The following ELAPOR1 variants were observed in gnomAD, a reference collection of about 807,000 sequenced individuals.
ELAPOR1 encodes the protein endosome-lysosome associated apoptosis and autophagy regulator 1, also known as endosome/lysosome-associated apoptosis and autophagy regulator 1.
A neutral mutation model predicts 119.7 loss-of-function variants in ELAPOR1; 77 were observed. The ratio of observed to expected loss-of-function variants is 0.64; its 90% CI spans 0.54 to 0.78. ELAPOR1 has a LOEUF of 0.78. Among genes scored for constraint, ELAPOR1 ranks in the 30% least tolerant of loss-of-function variants. The pLI is 0.00. For synonymous variants in ELAPOR1, 481 were observed against 487.2 expected (o/e 0.99, Z 0.17); for missense variants, 1,115 against 1,270.4 (o/e 0.88, Z 1.86).
At chr1:109,179,734 C>T (rs868173999) in intron 7 of ELAPOR1, among the ~76,000 whole-genome samples, 14 of 151,656 alleles carry the variant, frequency 9.2e-5, no homozygotes, top group African/African-American at 2.9e-4. Context: ...GGTGAAACCC[C>T]GTCTCTACTA....
intron 1 of ELAPOR1, among the ~76,000 whole-genome samples, chr1:109,119,032 G>A (rs370579165): frequency 8.3e-4 from 125 of 151,442 alleles, no homozygotes; most frequent in South Asian, 1.5e-3. Context: ...CAAGTAGCTG[G>A]GATTACAGGT....
intron 2 of ELAPOR1, among the ~76,000 whole-genome samples, chr1:109,163,593 C>T (rs1651399194): frequency 6.6e-6 from 1 of 151,404 alleles, no homozygotes; most frequent in Non-Finnish European, 1.5e-5. Context: ...GTGACAGGGT[C>T]TCACTGTGTT....
At chr1:109,171,240 G>C (rs953464343) in intron 3 of ELAPOR1, among the ~76,000 whole-genome samples, 1 of 152,120 alleles carries the variant, frequency 6.6e-6, no homozygotes, top group African/African-American at 2.4e-5. Context: ...AAGGTAGTAA[G>C]CAACCAATAA....
rs757088404 is a variant in ELAPOR1 at position 109,114,262 on chromosome 1, C to G, written c.79C>G (p.Arg27Gly). 35 of 1,599,638 alleles carry G rather than the reference C, an allele frequency of 2.2e-5. No homozygotes were observed. The highest frequency in any genetic ancestry group is 2.9e-5 in the Non-Finnish European group (34 of 1,173,348). ...TGAGAGGCGCATACCCCGGCTGTGG[C>G]GGCTGCTGCTCTGGGCTGGGACCGC... ...RTERRIPRLW[R>G]LLLWAGTAFQ... The change falls in exon 1 of 22, where the codon CGG (arginine) becomes GGG (glycine). Residue 27 changes from arginine (R) to glycine (G), a missense_variant. By Grantham distance (125) the Arg-to-Gly change is moderately radical. Transcript: ENST00000369939.
intron 1 of ELAPOR1, among the ~76,000 whole-genome samples, chr1:109,146,311 ACT>A (rs1286678045): frequency 7.6e-6 from 1 of 130,748 alleles, no homozygotes; most frequent in Non-Finnish European, 1.7e-5. Context: ...TCAGAGTGAG[ACT>A]CTGTCTCAAT....
intron 3 of ELAPOR1, among the ~76,000 whole-genome samples, chr1:109,168,086 C>T (rs958406846): frequency 1.3e-5 from 2 of 152,166 alleles, no homozygotes; most frequent in African/African-American, 4.8e-5. Flanking sequence ...TCTTCACTTG[C>T]TGTGTTCCAG....
rs183314540 is a variant in ELAPOR1 at position 109,144,240 on chromosome 1, C to A, written c.154-17654C>A. On this transcript the variant is annotated intron_variant, in intron 1 of 21. Coordinates refer to ENST00000369939, the MANE Select transcript of ELAPOR1 (RefSeq NM_020775.5). ...ATGCCCGGCTAATTTTTTGTAGAGA[C>A]GGGGCTTCTCCATGTTTGCCAGGCT... Among the ~76,000 whole-genome samples the A allele has an allele frequency of 6.8e-3, 1,020 of 149,708 alleles. 7 individuals carry two copies. The highest frequency in any genetic ancestry group is 0.013 in the Admixed American group (194 of 15,018).
intron 1 of ELAPOR1, among the ~76,000 whole-genome samples, chr1:109,152,748 A>G (rs1026268461): frequency 1.3e-5 from 2 of 152,048 alleles, no homozygotes; most frequent in Non-Finnish European, 2.9e-5. Context: ...GTTCAAGACC[A>G]GCCTGGGCAA....
rs1654155174 is a variant in ELAPOR1, at chr1:109,201,226, T to A, written c.2973+326T>A. 11 of 462,770 alleles carry A rather than the reference T, an allele frequency of 2.4e-5. 1 individual carries two copies. Among genetic ancestry groups the A allele is most frequent in the South Asian group, 1.8e-4 (11 of 60,512 alleles). The allele number at this position is 462,770 out of a possible 1,614,324, so 28.7% of individuals were successfully genotyped here. On this transcript the variant is annotated intron_variant, in intron 21 of 21. Coordinates refer to ENST00000369939, the MANE Select transcript of ELAPOR1 (RefSeq NM_020775.5). The stretch of plus-strand genomic sequence containing the variant: ...AAGAATCATCCCCTACTCCTTTTTT[T>A]ATTTTCACTGAAAAGGGAAAAGGTG...
In ELAPOR1 at chr1:109,172,513, A is replaced by G. The variant is rs754169517; in HGVS notation, c.641A>G (p.Asn214Ser). Residue 214 changes from asparagine to serine, a missense_variant, in exon 5 of 22, where the codon AAT becomes AGT. Transcript: ENST00000369939. ...FFVQNDQCQP[N>S]ADDSRWMKTT... ...GTTCAGAATGACCAGTGCCAGCCCA[A>G]TGCAGATGACTCCAGGTGGATGAAG... is the stretch of plus-strand genomic sequence containing the variant. 1.2e-4 allele frequency: 192 copies of G among 1,613,636 alleles called. 2 individuals are homozygous for G. The East Asian group carries it at 3.7e-3, about 31-fold the overall frequency.
At chr1:109,151,125 G>T (rs1650507287) in intron 1 of ELAPOR1, among the ~76,000 whole-genome samples, 1 of 152,140 alleles carries the variant, frequency 6.6e-6, no homozygotes, top group Non-Finnish European at 1.5e-5. Flanking sequence ...AATATTTAAG[G>T]CTTGGAGCAC....
intron 1 of ELAPOR1, among the ~76,000 whole-genome samples, chr1:109,130,860 G>A (rs549361027): frequency 1.3e-5 from 2 of 152,152 alleles, no homozygotes; most frequent in Non-Finnish European, 2.9e-5. Context: ...AATATTAGCT[G>A]GACATGGTGA....
At chr1:109,186,007 A>G (rs1424467423) in intron 8 of ELAPOR1, among the ~76,000 whole-genome samples, 2 of 151,698 alleles carry the variant, frequency 1.3e-5, no homozygotes, top group Non-Finnish European at 2.9e-5. Flanking sequence ...TTGGGGAGGG[A>G]GTGGAGAGAG....
At position 109,204,025 on chromosome 1, in the gene ELAPOR1, G is replaced by A. The variant is rs1290429494; in HGVS notation, c.*1013G>A. On this transcript the variant is annotated 3_prime_UTR_variant, in exon 22 of 22. Transcript: ENST00000369939. ...TGCAGCCTCAAGCTCTTGGGCTCAA[G>A]CTATCCTCCCATCTCAACCTCTCAA... 2 of 152,174 alleles carry A rather than the reference G, an allele frequency of 1.3e-5. No individual in the cohort carries two copies. Among genetic ancestry groups the A allele is most frequent in the Admixed American group, 1.3e-4 (2 of 15,276 alleles). The allele number at this position is 152,174 out of a possible 1,614,324, so 9.4% of individuals were successfully genotyped here. A position where few individuals can be genotyped will look rare whatever the true frequency, so the allele number is the denominator to read the frequency against.
chr1:109,181,422 TA>T (rs1294653901), intron 7 of ELAPOR1, among the ~76,000 whole-genome samples: 1 of 152,156 alleles, frequency 6.6e-6, no homozygotes, highest in Non-Finnish European at 1.5e-5. Flanking sequence ...GCATCCAACT[TA>T]AACACTTTGA....
In ELAPOR1 at chr1:109,197,326, TC is replaced by T; in HGVS notation, c.2122-147del. ...AAACAAAAAAATCAAATCTGTCTCGTCATTAGACCTGGGATGAATCATTCCC... is the reference window on the plus strand; with the variant it reads ...AAACAAAAAAATCAAATCTGTCTCGTATTAGACCTGGGATGAATCATTCCC... On this transcript the variant is annotated intron_variant, in intron 15 of 21. Transcript: ENST00000369939. The T allele has an allele frequency of 8.6e-6, 6 of 700,508 alleles. No homozygotes were observed. In the South Asian group the frequency reaches 1.1e-4, roughly 13 times the overall value. 43.4% of individuals were successfully genotyped at this position (700,508 alleles called of 1,614,324 possible).
At chr1:109,160,606 A>G (rs973071837) in intron 1 of ELAPOR1, among the ~76,000 whole-genome samples, 1 of 152,202 alleles carries the variant, frequency 6.6e-6, no homozygotes, top group Non-Finnish European at 1.5e-5. Context: ...GCAAACTTCA[A>G]AACTTGTATT....
chr1:109,153,614 A>G (rs934758049), intron 1 of ELAPOR1, among the ~76,000 whole-genome samples: 10 of 128,660 alleles, frequency 7.8e-5, no homozygotes, highest in Non-Finnish European at 5.0e-5. Flanking sequence ...GACTTGTGGC[A>G]GGTGTTTTGT....
chr1:109,164,450 G>A (rs1407429096), intron 2 of ELAPOR1, 49 bp from the exon 3 acceptor site: 1 of 1,534,594 alleles, frequency 6.5e-7, no homozygotes, highest in East Asian at 2.3e-5. Flanking sequence ...TTCACTTCTG[G>A]GGCTGCAGTG....
Sources: gnomAD v4.1 joint callset for allele counts (sites outside exome capture counted in the v4.1 genomes callset) on GRCh38, gnomAD v4.1.1 for gene constraint, MANE v1.5 for transcripts, NCBI Gene and HGNC (gene_info 2026-07-23, HGNC 2026-07-21) for gene names.